The following ADAM28 variants were observed in gnomAD, a reference collection of about 807,000 sequenced individuals.
The protein encoded by ADAM28 is ADAM metallopeptidase domain 28.
ADAM28 carries 105 observed loss-of-function variants against 101.2 expected under a neutral mutation model. The ratio of observed to expected loss-of-function variants is 1.04; its 90% confidence interval spans 0.89 to 1.22. ADAM28 has a LOEUF of 1.22. Ranked by LOEUF, ADAM28 falls within the 50% of genes most tolerant of loss-of-function variation. The probability of loss-of-function intolerance (pLI) is 0.00; values close to 1 mark genes in which losing one functional copy is unlikely to be tolerated. For synonymous variants in ADAM28, 322 were observed against 310.6 expected (o/e 1.04, Z -0.39); for missense variants, 1,028 against 945.4 (o/e 1.09, Z -1.15).
At chr8:24,311,730 G>A (rs764896915) in intron 5 of ADAM28, among the ~76,000 whole-genome samples, 19 of 151,882 alleles carry the variant, frequency 1.3e-4, no homozygotes, top group Non-Finnish European at 2.2e-4. Flanking sequence ...CTCTCTTCTC[G>A]CTCTTCACTT....
At chr8:24,348,763 T>A (rs1445429908) in intron 18 of ADAM28, among the ~76,000 whole-genome samples, 2 of 152,192 alleles carry the variant, frequency 1.3e-5, no homozygotes, top group African/African-American at 2.4e-5. Flanking sequence ...TATACTTCCA[T>A]CTGTCCTGTG....
At chr8:24,305,806 A>G (rs1187707589) in intron 2 of ADAM28, among the ~76,000 whole-genome samples, 2 of 152,148 alleles carry the variant, frequency 1.3e-5, no homozygotes, top group Admixed American at 1.3e-4. Context: ...CCTGATGAAT[A>G]TAATGGAATG....
chr8:24,300,540 C>T (rs1465443454), intron 2 of ADAM28, among the ~76,000 whole-genome samples: 1 of 151,980 alleles, frequency 6.6e-6, no homozygotes, highest in African/African-American at 2.4e-5. Context: ...CTCAGCCTCC[C>T]GAGTAGCTGG....
At chr8:24,303,401 C>G (rs1809105110) in intron 2 of ADAM28, among the ~76,000 whole-genome samples, 1 of 152,080 alleles carries the variant, frequency 6.6e-6, no homozygotes, top group Non-Finnish European at 1.5e-5. Flanking sequence ...AATATGAAAT[C>G]TTTTTCCCAT....
chr8:24,301,287 G>C (rs1052150798), intron 2 of ADAM28, among the ~76,000 whole-genome samples: 14 of 152,080 alleles, frequency 9.2e-5, no homozygotes, highest in Admixed American at 4.6e-4. Flanking sequence ...AAAAGCATAG[G>C]ATTCCCCTTC....
At chr8:24,348,496 T>A (rs1368619532) in intron 18 of ADAM28, among the ~76,000 whole-genome samples, 1 of 152,184 alleles carries the variant, frequency 6.6e-6, no homozygotes, top group Non-Finnish European at 1.5e-5. Flanking sequence ...TTTCTGAACT[T>A]TTATCTAGGA....
At chr8:24,303,135 T>C (rs897019087) in intron 2 of ADAM28, among the ~76,000 whole-genome samples, 6 of 152,190 alleles carry the variant, frequency 3.9e-5, no homozygotes, top group Admixed American at 3.3e-4. Flanking sequence ...GTATAGAAGC[T>C]CTTTAGTTTT....
intron 13 of ADAM28, among the ~76,000 whole-genome samples, chr8:24,333,128 C>T (rs892323952): frequency 4.6e-5 from 7 of 152,078 alleles, no homozygotes. Flanking sequence ...GTTGAATACA[C>T]GCAAACAGAG....
intron 18 of ADAM28, among the ~76,000 whole-genome samples, chr8:24,349,033 T>C (rs1815750392): frequency 6.6e-6 from 1 of 152,198 alleles, no homozygotes. Flanking sequence ...ACTAAAGTCA[T>C]TGTCTTACCT....
At chr8:24,306,363 A>ATATATATATATATATATTTAAAAAAT (rs1563270503) in intron 2 of ADAM28, among the ~76,000 whole-genome samples, 12 of 108,502 alleles carry the variant, frequency 1.1e-4, no homozygotes, top group African/African-American at 3.8e-4. Flanking sequence ...TAAATAAATA[A>ATATATATATATATATATTTAAAAAAT]ATATATATAT....
At chr8:24,324,130 C>A in intron 9 of ADAM28, 127 bp downstream of exon 9, 1 of 702,694 alleles carries the variant, frequency 1.4e-6, no homozygotes, top group Non-Finnish European at 2.1e-6. Flanking sequence ...GATTATATGT[C>A]AAATATGCTC....
chr8:24,330,478 A>G (rs1813223975), intron 11 of ADAM28, among the ~76,000 whole-genome samples: 1 of 152,188 alleles, frequency 6.6e-6, no homozygotes. Flanking sequence ...AGGACAAAGA[A>G]GACAGTCTAT....
Position 24,324,021 on chromosome 8 carries a change from C to A in ADAM28, c.890+18C>A. The A allele has an allele frequency of 6.2e-7, 1 of 1,609,186 alleles. No homozygotes were observed. Among genetic ancestry groups the A allele is most frequent in the South Asian group, 1.1e-5 (1 of 90,576 alleles). Reference sequence around the variant, plus strand: ...TTAATCACGTATGTACAGATTTTCTCCCATTGCACACTATGTGGTATTTAG... The same window carrying A: ...TTAATCACGTATGTACAGATTTTCTACCATTGCACACTATGTGGTATTTAG... On this transcript the variant is annotated intron_variant, in intron 9 of 22. Transcript: ENST00000265769.
chr8:24,355,394 TATCTA>T lies in ADAM28; in HGVS notation c.*996_*1000del, dbSNP rs1816612478. 6.6e-6 allele frequency: 1 copy of T among 151,798 alleles called. No individual in the cohort carries two copies. The highest frequency in any genetic ancestry group is 1.5e-5 in the Non-Finnish European group (1 of 67,940). 9.4% of individuals were successfully genotyped at this position (151,798 alleles called of 1,614,324 possible). ...TGCCCACTTCTAGGAAAGAATATCC[TATCTA>T]ATCTATCTATCTCAGGGATAAATCC... On this transcript the variant is annotated 3_prime_UTR_variant, in exon 23 of 23. Coordinates refer to ENST00000265769, the MANE Select transcript of ADAM28 (RefSeq NM_014265.6).
rs111278409 is a variant in ADAM28 at position 24,320,459 on chromosome 8, T to G, written c.648+152T>G. 3,378 of 601,612 alleles carry G rather than the reference T, an allele frequency of 5.6e-3. 101 individuals carry two copies. The African/African-American group carries it at 0.059, about 11-fold the overall frequency. The allele number at this position is 601,612 out of a possible 1,614,324, so 37.3% of individuals were successfully genotyped here. ...CTTCTAAAACTATGAAATTTGACAT[T>G]TATAATTAAGCTGATATGACTTCTT... On this transcript the variant is annotated intron_variant, in intron 7 of 22. Transcript: ENST00000265769.
At chr8:24,345,888 A>G (rs1815345077) in intron 18 of ADAM28, among the ~76,000 whole-genome samples, 1 of 152,108 alleles carries the variant, frequency 6.6e-6, no homozygotes, top group Non-Finnish European at 1.5e-5. Context: ...CATACAGTGG[A>G]AGCTTTTCTC....
rs2129349689 is a variant in ADAM28 at position 24,356,935 on chromosome 8, G to T, written c.*2531G>T. Reference sequence around the variant, plus strand: ...ATGCATGAAAAGAAAGCAAATTTTAGTTGGTTGCAGTCAGAGAATATGGAA... The same window carrying T: ...ATGCATGAAAAGAAAGCAAATTTTATTTGGTTGCAGTCAGAGAATATGGAA... On this transcript the variant is annotated 3_prime_UTR_variant, in exon 23 of 23. Coordinates refer to ENST00000265769, the MANE Select transcript of ADAM28 (RefSeq NM_014265.6). 6.6e-6 allele frequency: 1 copy of T among 152,230 alleles called. No individual in the cohort carries two copies. The highest frequency in any genetic ancestry group is 1.5e-5 in the Non-Finnish European group (1 of 68,006). The allele number at this position is 152,230 out of a possible 1,614,324, so 9.4% of individuals were successfully genotyped here.
chr8:24,354,460 T>C lies in ADAM28; in HGVS notation c.*56T>C. ...ATTATCAACTTGGAAAACTGGAAAATCTGGATGGCAGAGAAATATACTATC... is the reference window on the plus strand; with the variant it reads ...ATTATCAACTTGGAAAACTGGAAAACCTGGATGGCAGAGAAATATACTATC... On this transcript the variant is annotated 3_prime_UTR_variant, in exon 23 of 23. Coordinates refer to ENST00000265769, the MANE Select transcript of ADAM28 (RefSeq NM_014265.6). 1 of 1,530,588 alleles carries C rather than the reference T, an allele frequency of 6.5e-7. No individual in the cohort carries two copies. Among genetic ancestry groups the C allele is most frequent in the Non-Finnish European group, 8.8e-7 (1 of 1,142,506 alleles). 94.8% of individuals were successfully genotyped at this position (1,530,588 alleles called of 1,614,324 possible). A position where few individuals can be genotyped will look rare whatever the true frequency, so the allele number is the denominator to read the frequency against.
At chr8:24,313,302 A>T in intron 5 of ADAM28, 86 bp from the exon 6 acceptor site, 1 of 1,272,734 alleles carries the variant, frequency 7.9e-7, no homozygotes, top group Non-Finnish European at 1.1e-6. Context: ...TAGGAATTTT[A>T]AAGGTCCTCT....
Sources: allele counts gnomAD v4.1 joint callset (sites outside exome capture counted in the v4.1 genomes callset), GRCh38; gene constraint gnomAD v4.1.1; transcripts MANE v1.5; gene names NCBI Gene and HGNC (gene_info 2026-07-23, HGNC 2026-07-21).